Variants in VPS41 observed in about 807,000 individuals in gnomAD.
VPS41 encodes the protein VPS41 subunit of HOPS complex, also known as vacuolar protein sorting-associated protein 41 homolog.
A neutral mutation model predicts 130.9 loss-of-function variants in VPS41; 85 were observed. The ratio of observed to expected loss-of-function variants is 0.65; its 90% CI spans 0.55 to 0.78. The LOEUF is 0.78. Among genes scored for constraint, VPS41 ranks in the 30% least tolerant of loss-of-function variants. VPS41 has a pLI of 0.00. For missense variants in VPS41, 874 were observed against 1,018.7 expected, an observed-to-expected ratio of 0.86 and a Z score of 1.93; for synonymous variants, 335 against 332.9, an observed-to-expected ratio of 1.01 and a Z score of -0.07.
At chr7:38,861,928 C>T (rs1197392927) in intron 4 of VPS41, among the ~76,000 whole-genome samples, 1 of 152,152 alleles carries the variant, frequency 6.6e-6, no homozygotes, top group Non-Finnish European at 1.5e-5. Flanking sequence ...AGCAGCAAAA[C>T]AGTCACATAA....
chr7:38,795,902 G>A (rs1180569802), intron 8 of VPS41, among the ~76,000 whole-genome samples: 5 of 152,118 alleles, frequency 3.3e-5, no homozygotes, highest in African/African-American at 1.2e-4. Flanking sequence ...TTTCCAAACT[G>A]ACAGACAAGT....
chr7:38,782,130 C>T (rs1239187443), intron 10 of VPS41, among the ~76,000 whole-genome samples: 1 of 152,200 alleles, frequency 6.6e-6, no homozygotes, highest in Admixed American at 6.5e-5. Flanking sequence ...TTGTCCCTGT[C>T]TCATTCAGGC....
At chr7:38,876,417 GAGA>G (rs1786492067) in intron 2 of VPS41, among the ~76,000 whole-genome samples, 2 of 152,140 alleles carry the variant, frequency 1.3e-5, no homozygotes, top group African/African-American at 2.4e-5. Context: ...GGGGGAAGAT[GAGA>G]AGAATAAACA....
chr7:38,815,681 A>G (rs1430224208), intron 7 of VPS41, among the ~76,000 whole-genome samples: 2 of 152,156 alleles, frequency 1.3e-5, no homozygotes, highest in African/African-American at 4.8e-5. Flanking sequence ...ATCTAATCTA[A>G]TCAGCTAATC....
intron 7 of VPS41, among the ~76,000 whole-genome samples, chr7:38,799,910 G>T (rs1029198403): frequency 1.3e-5 from 2 of 152,080 alleles, no homozygotes; most frequent in Non-Finnish European, 2.9e-5. Flanking sequence ...ATCAGGCATG[G>T]GTATGTGGGG....
intron 22 of VPS41, among the ~76,000 whole-genome samples, chr7:38,746,256 TAAAAAAA>T (rs11359151): frequency 6.8e-6 from 1 of 146,030 alleles, no homozygotes; most frequent in African/African-American, 2.5e-5. Context: ...CCATTAGTCT[TAAAAAAA>T]AAAAAAAGAC....
At chr7:38,776,593 G>A (rs572624119) in intron 11 of VPS41, 86 bp downstream of exon 11, 41 of 720,172 alleles carry the variant, frequency 5.7e-5, no homozygotes, top group South Asian at 3.3e-4. Flanking sequence ...AGATTATAGC[G>A]TATGCTACTG....
At position 38,723,342 on chromosome 7, in the gene VPS41, T is replaced by C. The variant is rs1314335075; in HGVS notation, c.*2904A>G. On this transcript the variant is annotated 3_prime_UTR_variant, in exon 29 of 29. Transcript: ENST00000310301. ...AAAAATTCTCAAGGATGAACATAAT[T>C]AAACCAGTATGAAATCCCTTTGGCT... 6.6e-6 allele frequency: 1 copy of C among 152,202 alleles called. No individual in the cohort carries two copies. Among genetic ancestry groups the C allele is most frequent in the Non-Finnish European group, 1.5e-5 (1 of 68,036 alleles). 9.4% of individuals were successfully genotyped at this position (152,202 alleles called of 1,614,324 possible).
At position 38,899,315 on chromosome 7, in the gene VPS41, T is replaced by C. The variant is rs371115659; in HGVS notation, c.22-1186A>G. Among the ~76,000 whole-genome samples the C allele has an allele frequency of 2.6e-4, 40 of 152,218 alleles. 1 individual carries two copies. The highest frequency in any genetic ancestry group is 8.2e-4 in the African/African-American group (34 of 41,458). ...TGCAGCCTGTTTAGCTTAATGTCAATCCAAGTCTCATAAAGTTCTTATTCA... is the reference window on the plus strand; with the variant it reads ...TGCAGCCTGTTTAGCTTAATGTCAACCCAAGTCTCATAAAGTTCTTATTCA... On this transcript the variant is annotated intron_variant, in intron 1 of 28. Coordinates refer to ENST00000310301, the MANE Select transcript of VPS41 (RefSeq NM_014396.4).
intron 14 of VPS41, 61 bp downstream of exon 14, chr7:38,771,137 A>G: frequency 8.5e-7 from 1 of 1,176,740 alleles, no homozygotes; most frequent in Non-Finnish European, 1.2e-6. Context: ...AATTATTTTC[A>G]GTCTCACTAT....
At chr7:38,869,602 C>G (rs936801663) in intron 2 of VPS41, among the ~76,000 whole-genome samples, 15 of 152,076 alleles carry the variant, frequency 9.9e-5, no homozygotes, top group Non-Finnish European at 1.5e-4. Flanking sequence ...CTATAATGGC[C>G]TTGAATTAAT....
intron 7 of VPS41, among the ~76,000 whole-genome samples, chr7:38,807,676 T>C (rs985802806): frequency 3.9e-5 from 6 of 152,180 alleles, no homozygotes; most frequent in African/African-American, 1.4e-4. Context: ...TCAAACCAAA[T>C]ACTCCTGTGA....
intron 2 of VPS41, among the ~76,000 whole-genome samples, chr7:38,871,431 G>T (rs1245039792): frequency 6.6e-6 from 1 of 152,156 alleles, no homozygotes; most frequent in Non-Finnish European, 1.5e-5. Flanking sequence ...TCATGCTAGA[G>T]ACTTAATATC....
chr7:38,741,936 AC>A, intron 25 of VPS41, 48 bp downstream of exon 25: 3 of 1,604,438 alleles, frequency 1.9e-6, no homozygotes, highest in Non-Finnish European at 2.6e-6. Flanking sequence ...TTTATCCAGT[AC>A]TAAGTCAACT....
intron 4 of VPS41, chr7:38,831,116 A>G (rs1430341955): frequency 1.4e-5 from 6 of 440,650 alleles, no homozygotes; most frequent in East Asian, 7.1e-5. Flanking sequence ...CTCAAATTGA[A>G]TATCTTCTGT....
rs746882251 is a variant in VPS41, at chr7:38,758,383, G to T, written c.1521C>A (p.Asn507Lys). The change falls in exon 18 of 29, where the codon AAC becomes AAA. Residue 507 changes from asparagine to lysine, a missense_variant. Coordinates refer to ENST00000310301, the MANE Select transcript of VPS41 (RefSeq NM_014396.4). ...CTGCCAGGGTTTTAAGTAAAGTCTT[G>T]TTCTGACTATCTTTCTTCAAATGAT... is the stretch of plus-strand genomic sequence containing the variant. ...VRDHLKKDSQ[N>K]KTLLKTLAEL... The T allele has an allele frequency of 6.2e-7, 1 of 1,613,098 alleles. No homozygotes were observed. The highest frequency in any genetic ancestry group is 2.2e-5 in the East Asian group (1 of 44,796).
intron 2 of VPS41, among the ~76,000 whole-genome samples, chr7:38,888,487 A>T (rs186681152): frequency 1.6e-4 from 25 of 152,372 alleles, no homozygotes; most frequent in African/African-American, 6.0e-4. Context: ...TATCCTAAAT[A>T]TATATGTACC....
intron 25 of VPS41, 109 bp downstream of exon 25, chr7:38,741,876 C>A: frequency 1.6e-6 from 2 of 1,262,836 alleles, no homozygotes; most frequent in Non-Finnish European, 2.2e-6. Context: ...TAAAATGTAA[C>A]CATAAAATCG....
At chr7:38,827,792 C>A (rs549557426) in intron 5 of VPS41, among the ~76,000 whole-genome samples, 8 of 152,206 alleles carry the variant, frequency 5.3e-5, no homozygotes, top group African/African-American at 1.7e-4. Flanking sequence ...AGGCAATCAT[C>A]AAAATTATAA....
Sources: allele counts gnomAD v4.1 joint callset (sites outside exome capture counted in the v4.1 genomes callset), GRCh38; gene constraint gnomAD v4.1.1; transcripts MANE v1.5; gene names NCBI Gene and HGNC (gene_info 2026-07-23, HGNC 2026-07-21).